The following MICAL3 variants were observed in gnomAD, a reference collection of about 807,000 sequenced individuals.
MICAL3 encodes the protein [F-actin]-monooxygenase MICAL3.
A neutral mutation model predicts 207.4 loss-of-function variants in MICAL3; 62 were observed. The ratio of observed to expected loss-of-function variants is 0.30; its 90% CI spans 0.24 to 0.37. MICAL3 has a LOEUF of 0.37. Among genes scored for constraint, MICAL3 ranks in the 10% least tolerant of loss-of-function variants. The pLI, the probability that MICAL3 is intolerant of heterozygous loss-of-function variation, is 1.00. For synonymous variants in MICAL3, 1,077 were observed against 1,069.3 expected, an observed-to-expected ratio of 1.01 and a Z score of -0.14; for missense variants, 2,368 against 2,635.6, an observed-to-expected ratio of 0.90 and a Z score of 2.22.
At position 17,866,005 on chromosome 22, in the gene MICAL3, G is replaced by C. The variant is rs1254217681; in HGVS notation, c.2436C>G (p.Phe812Leu). 1.5e-5 allele frequency: 24 copies of C among 1,612,938 alleles called. No individual in the cohort carries two copies. Among genetic ancestry groups the C allele is most frequent in the East Asian group, 4.5e-5 (2 of 44,882 alleles). ...AYAYDIEDGK[F>L]YCKPHYCYRL... ...GATAGCAGTAGTGTGGCTTACAGTAGAATTTACCTGCAGACAGCAAGAGGC... is the reference window on the plus strand; with the variant it reads ...GATAGCAGTAGTGTGGCTTACAGTACAATTTACCTGCAGACAGCAAGAGGC... Residue 812 changes from phenylalanine to leucine, a missense_variant, in exon 18 of 32, where the codon TTC becomes TTG. Transcript: ENST00000441493.
chr22:17,811,676 C>A (rs917352740), intron 27 of MICAL3, among the ~76,000 whole-genome samples: 1 of 152,180 alleles, frequency 6.6e-6, no homozygotes, highest in African/African-American at 2.4e-5. Flanking sequence ...ACAAGAGGGG[C>A]AAAGATTGGG....
At chr22:17,937,578 G>A (rs1466154048) in intron 1 of MICAL3, among the ~76,000 whole-genome samples, 4 of 152,204 alleles carry the variant, frequency 2.6e-5, no homozygotes, top group Admixed American at 6.5e-5. Context: ...CAGACGAATC[G>A]CTGGAACCCA....
chr22:17,875,723 C>A (rs1026216134), intron 16 of MICAL3, among the ~76,000 whole-genome samples: 2 of 147,060 alleles, frequency 1.4e-5, no homozygotes, highest in Admixed American at 6.8e-5. Flanking sequence ...GAAGCATAAG[C>A]GGCCCATGCA....
Position 17,901,131 on chromosome 22 carries a change from CT to C in MICAL3, c.692-135del, listed in dbSNP as rs558995021. 111 of 778,768 alleles carry C rather than the reference CT, an allele frequency of 1.4e-4. No homozygotes were observed. In the East Asian group the frequency reaches 2.5e-3, roughly 18 times the overall value. 48.2% of individuals were successfully genotyped at this position (778,768 alleles called of 1,614,324 possible). On this transcript the variant is annotated intron_variant, in intron 5 of 31. Coordinates refer to ENST00000441493, the MANE Select transcript of MICAL3 (RefSeq NM_015241.3). ...AACTGATGGGAAAGTTAGGGCAGCT[CT>C]TCTGCAGATGAAAATAAGGCATTTA...
intron 1 of MICAL3, among the ~76,000 whole-genome samples, chr22:17,980,013 G>A (rs948822264): frequency 1.3e-5 from 2 of 152,136 alleles, no homozygotes; most frequent in Non-Finnish European, 2.9e-5. Context: ...ATTTTGTATA[G>A]AAAAGGGGTC....
In MICAL3 at chr22:17,818,666, G is replaced by C; in HGVS notation, c.3995C>G (p.Ala1332Gly). 1 of 1,613,652 alleles carries C rather than the reference G, an allele frequency of 6.2e-7. No individual in the cohort carries two copies. Among genetic ancestry groups the C allele is most frequent in the Non-Finnish European group, 8.5e-7 (1 of 1,179,884 alleles). The change falls in exon 26 of 32, where the codon GCG becomes GGG. Residue 1332 changes from alanine to glycine, a missense_variant. Coordinates refer to ENST00000441493, the MANE Select transcript of MICAL3 (RefSeq NM_015241.3). ...GAGCCCGAGGCTGCGGCGGATCTCCGCACTCTTCATCCAGAACTCCTCCAC... is the reference window on the plus strand; with the variant it reads ...GAGCCCGAGGCTGCGGCGGATCTCCCCACTCTTCATCCAGAACTCCTCCAC... Reference protein sequence around the residue: ...DLVEEFWMKSAEIRRSLGLTP... With the variant: ...DLVEEFWMKSGEIRRSLGLTP...
chr22:17,896,348 A>G lies in MICAL3; in HGVS notation c.1220T>C (p.Met407Thr). 1 of 1,552,104 alleles carries G rather than the reference A, an allele frequency of 6.4e-7. No individual in the cohort carries two copies. The highest frequency in any genetic ancestry group is 8.7e-7 in the Non-Finnish European group (1 of 1,145,860). The stretch of plus-strand genomic sequence containing the variant: ...AAAGCCCCGGGCTATTCCTGTTCCC[A>G]TTGGCCAGAAAGGCTGTAGATAAGA... ...GDSLLEPFWPMGTGIARGFLA... is the reference protein window; with the variant it reads ...GDSLLEPFWPTGTGIARGFLA... The change falls in exon 9 of 32, where the codon ATG becomes ACG. Residue 407 changes from methionine (M) to threonine (T), a missense_variant. Met to Thr is a moderately conservative substitution (Grantham distance 81, BLOSUM62 -1). This residue lies in a region of MICAL3 where 400 missense variants were observed against 547.0 expected (regional missense o/e 0.73). Coordinates refer to ENST00000441493, the MANE Select transcript of MICAL3 (RefSeq NM_015241.3).
intron 10 of MICAL3, 117 bp downstream of exon 10, chr22:17,895,167 G>A: frequency 9.7e-7 from 1 of 1,035,366 alleles, no homozygotes; most frequent in East Asian, 2.7e-5. Flanking sequence ...CTACCTGGAT[G>A]ACTAAAAAAG....
intron 1 of MICAL3, among the ~76,000 whole-genome samples, chr22:17,947,752 A>G (rs1934143606): frequency 6.6e-6 from 1 of 152,128 alleles, no homozygotes; most frequent in Non-Finnish European, 1.5e-5. Context: ...AATTTTTTGT[A>G]GAGATGGCAT....
intron 1 of MICAL3, among the ~76,000 whole-genome samples, chr22:17,999,443 G>A (rs556284887): frequency 1.3e-5 from 2 of 152,300 alleles, no homozygotes; most frequent in African/African-American, 2.4e-5. Context: ...ATTTAAAAAC[G>A]GAGCATGCAA....
chr22:17,897,236 A>C (rs1448222443), intron 7 of MICAL3, among the ~76,000 whole-genome samples: 1 of 152,044 alleles, frequency 6.6e-6, no homozygotes, highest in Non-Finnish European at 1.5e-5. Flanking sequence ...CAGCCTGGTC[A>C]ACATGATGAA....
chr22:17,850,400 G>GTTTTTTTTTTTTTT (rs565667574), intron 19 of MICAL3, among the ~76,000 whole-genome samples: 7 of 74,418 alleles, frequency 9.4e-5, no homozygotes, highest in Non-Finnish European at 1.5e-4. Context: ...TTTTGAATTA[G>GTTTTTTTTTTTTTT]TTTTTTTTTT....
intron 1 of MICAL3, among the ~76,000 whole-genome samples, chr22:17,920,440 G>A (rs1427653757): frequency 6.6e-6 from 1 of 152,124 alleles, no homozygotes; most frequent in East Asian, 1.9e-4. Flanking sequence ...TCCACTGAGG[G>A]TGACGGTGGC....
intron 1 of MICAL3, among the ~76,000 whole-genome samples, chr22:17,954,903 T>C (rs1204569275): frequency 2.6e-5 from 4 of 152,046 alleles, no homozygotes; most frequent in Non-Finnish European, 5.9e-5. Flanking sequence ...TTTGTATTTT[T>C]AGTAGAGACG....
At chr22:17,967,526 G>GA (rs1251379939) in intron 1 of MICAL3, among the ~76,000 whole-genome samples, 1 of 151,528 alleles carries the variant, frequency 6.6e-6, no homozygotes, top group Non-Finnish European at 1.5e-5. Flanking sequence ...ACAGCATGGG[G>GA]ATCCCACTGA....
At chr22:17,903,801 A>G (rs746183594) in intron 3 of MICAL3, among the ~76,000 whole-genome samples, 3 of 152,228 alleles carry the variant, frequency 2.0e-5, no homozygotes, top group Non-Finnish European at 4.4e-5. Context: ...TGCTGCAAAC[A>G]GCAAAAGGTT....
At chr22:18,018,935 T>C (rs543413882) in intron 1 of MICAL3, among the ~76,000 whole-genome samples, 1 of 152,320 alleles carries the variant, frequency 6.6e-6, no homozygotes, top group African/African-American at 2.4e-5. Flanking sequence ...CTCACGCCTA[T>C]AATACCAGTA....
rs188730307 is a variant in MICAL3, at chr22:18,011,334, T to C, written c.-75+12947A>G. Among the ~76,000 whole-genome samples the C allele has an allele frequency of 1.3e-3, 191 of 146,470 alleles. 3 individuals carry two copies. The East Asian group carries it at 0.028, about 21-fold the overall frequency. ...GCCTAGGAAGGCGGATCACCTGAGG[T>C]CGGAGTTCGAGACCAGCCTGATCAA... On this transcript the variant is annotated intron_variant, in intron 1 of 31. Transcript: ENST00000441493.
At chr22:17,995,742 C>A (rs537151557) in intron 1 of MICAL3, among the ~76,000 whole-genome samples, 1 of 152,074 alleles carries the variant, frequency 6.6e-6, no homozygotes, top group South Asian at 2.1e-4. Flanking sequence ...CTCCTCACCT[C>A]AGGTGATCTG....
Sources: allele counts gnomAD v4.1 joint callset (sites outside exome capture counted in the v4.1 genomes callset), GRCh38; gene constraint gnomAD v4.1.1; regional missense constraint gnomAD v4.1.1; transcripts MANE v1.5; gene names NCBI Gene and HGNC (gene_info 2026-07-23, HGNC 2026-07-21).